Variants in CNOT1 observed in about 807,000 individuals in gnomAD.
The protein encoded by CNOT1 is CCR4-NOT transcription complex subunit 1, also known as CCR4-associated factor 1.
Under a neutral mutation model 273.8 loss-of-function variants are expected in CNOT1, and 15 were observed. The ratio of observed to expected loss-of-function variants is 0.05; its 90% CI spans 0.04 to 0.08. The LOEUF (loss-of-function observed/expected upper bound fraction) is 0.08, where lower values mean the gene tolerates loss of function less well. Among genes scored for constraint, CNOT1 ranks in the 10% least tolerant of loss-of-function variants. CNOT1 has a pLI of 1.00. For synonymous variants in CNOT1, 1,022 were observed against 1,005.5 expected, an observed-to-expected ratio of 1.02 and a Z score of -0.31; for missense variants, 1,644 against 2,912.2, an observed-to-expected ratio of 0.56 and a Z score of 10.02.
chr16:58,601,791 C>T (rs1272734455), intron 1 of CNOT1, among the ~76,000 whole-genome samples: 2 of 134,562 alleles, frequency 1.5e-5, no homozygotes, highest in South Asian at 2.4e-4. Context: ...AATCCCAGCA[C>T]TTTGGGAGGC....
intron 1 of CNOT1, among the ~76,000 whole-genome samples, chr16:58,618,662 AG>A (rs1192175652): frequency 3.3e-5 from 5 of 151,140 alleles, no homozygotes; most frequent in Non-Finnish European, 5.9e-5. Context: ...AAAAAAAAAA[AG>A]AAAAAGAGTT....
At chr16:58,600,695 G>C (rs2042429579) in intron 1 of CNOT1, among the ~76,000 whole-genome samples, 1 of 152,182 alleles carries the variant, frequency 6.6e-6, no homozygotes, top group Admixed American at 6.5e-5. Flanking sequence ...ACTGTTCCCT[G>C]GGAGAATTCA....
intron 14 of CNOT1, among the ~76,000 whole-genome samples, chr16:58,576,221 C>G (rs1344040660): frequency 2.0e-5 from 3 of 152,046 alleles, no homozygotes; most frequent in Non-Finnish European, 2.9e-5. Context: ...AGCGATTCTC[C>G]TGCCTCAGCC....
In CNOT1 at chr16:58,620,028, C is replaced by T. The variant is rs553933660; in HGVS notation, c.-175+9700G>A. 5.3e-5 allele frequency among the ~76,000 whole-genome samples: 8 copies of T among 152,204 alleles called. No individual in the cohort carries two copies. In the East Asian group the frequency reaches 1.4e-3, roughly 26 times the overall value. On this transcript the variant is annotated intron_variant, in intron 1 of 48. Coordinates refer to ENST00000317147, the MANE Select transcript of CNOT1 (RefSeq NM_016284.5). ...ATAGATCTTTTCCTCTGAAATGTTA[C>T]TTGCTCATTCAAGCAGTATGAAAAA... is the stretch of plus-strand genomic sequence containing the variant.
intron 1 of CNOT1, chr16:58,624,886 C>G (rs2043498462): frequency 6.6e-6 from 1 of 152,072 alleles, no homozygotes; most frequent in Non-Finnish European, 1.5e-5. Context: ...ACTACGCTTT[C>G]CAGTGAACAA....
chr16:58,599,176 T>G, intron 2 of CNOT1, 60 bp downstream of exon 2: 1 of 1,608,370 alleles, frequency 6.2e-7, no homozygotes, highest in South Asian at 1.1e-5. Context: ...AATGTGTGGT[T>G]TTCTTTCCAC....
At chr16:58,597,087 G>T (rs1055014957) in intron 2 of CNOT1, among the ~76,000 whole-genome samples, 1 of 113,934 alleles carries the variant, frequency 8.8e-6, no homozygotes, top group African/African-American at 3.3e-5. Context: ...GCTCAACCAG[G>T]GCATTTAAAA....
rs1257956568 is a variant in CNOT1, at chr16:58,551,703, T to A, written c.3087A>T (p.Lys1029Asn). The stretch of plus-strand genomic sequence containing the variant: ...TGCTAACTTGACCAGCAAGAGGAGC[T>A]TTTGCTGGAACCTGGGCCTGAGCCT... The part of the protein sequence containing the change: ...QAQAQAQVPA[K>N]APLAGQVSTM... The change falls in exon 23 of 49, where the codon AAA becomes AAT. Residue 1029 changes from lysine (K) to asparagine (N), a missense_variant. Physicochemically the swap from Lys to Asn is moderately conservative, Grantham distance 94. Coordinates refer to ENST00000317147, the MANE Select transcript of CNOT1 (RefSeq NM_016284.5). 6.2e-7 allele frequency: 1 copy of A among 1,614,158 alleles called. No individual in the cohort carries two copies. Among genetic ancestry groups the A allele is most frequent in the East Asian group, 2.2e-5 (1 of 44,876 alleles).
intron 2 of CNOT1, among the ~76,000 whole-genome samples, chr16:58,592,253 G>A (rs2042088361): frequency 6.6e-6 from 1 of 152,022 alleles, no homozygotes. Flanking sequence ...AGTTGCTCCT[G>A]GTGAGGAGCA....
At chr16:58,612,826 C>A (rs1460429209) in intron 1 of CNOT1, among the ~76,000 whole-genome samples, 2 of 152,164 alleles carry the variant, frequency 1.3e-5, no homozygotes, top group Non-Finnish European at 2.9e-5. Context: ...AAGGTTGGTT[C>A]ACTTATTAAA....
At chr16:58,590,363 C>CT (rs1211887643) in intron 2 of CNOT1, among the ~76,000 whole-genome samples, 3 of 152,134 alleles carry the variant, frequency 2.0e-5, no homozygotes, top group Non-Finnish European at 4.4e-5. Flanking sequence ...TGAAAGCTGT[C>CT]TAAGTTCTTA....
intron 47 of CNOT1, 148 bp downstream of exon 47, chr16:58,523,218 CTGAG>C (rs1415065819): frequency 1.4e-6 from 1 of 711,866 alleles, no homozygotes; most frequent in African/African-American, 1.8e-5. Context: ...GTACTGCAGA[CTGAG>C]TGACAGAGCA....
chr16:58,544,595 TG>T (rs1347508857), intron 30 of CNOT1, among the ~76,000 whole-genome samples: 2 of 152,248 alleles, frequency 1.3e-5, no homozygotes, highest in South Asian at 2.1e-4. Flanking sequence ...GGAGTGGGGA[TG>T]GGGGGACAAG....
At chr16:58,626,237 T>C (rs1447070562) in intron 1 of CNOT1, among the ~76,000 whole-genome samples, 2 of 150,434 alleles carry the variant, frequency 1.3e-5, no homozygotes, top group African/African-American at 4.9e-5. Context: ...TTGAAACCTC[T>C]TCTCTACTAA....
At chr16:58,555,176 C>T in intron 21 of CNOT1, 75 bp downstream of exon 21, 2 of 1,559,986 alleles carry the variant, frequency 1.3e-6, no homozygotes, top group Non-Finnish European at 1.7e-6. Flanking sequence ...CCACTGCACT[C>T]CAGCCTGGAT....
intron 16 of CNOT1, among the ~76,000 whole-genome samples, chr16:58,573,419 C>T (rs966837604): frequency 7.2e-5 from 11 of 151,868 alleles, no homozygotes; most frequent in African/African-American, 2.7e-4. Context: ...CAGTACTCCC[C>T]CAAATGAGCT....
chr16:58,566,252 C>T (rs901145457), intron 16 of CNOT1, among the ~76,000 whole-genome samples: 2 of 152,156 alleles, frequency 1.3e-5, no homozygotes, highest in Non-Finnish European at 2.9e-5. Flanking sequence ...ACTATTAACA[C>T]ACATTAAAGA....
chr16:58,539,369 T>C (rs2151912926), intron 35 of CNOT1, among the ~76,000 whole-genome samples: 1 of 152,038 alleles, frequency 6.6e-6, no homozygotes, highest in Admixed American at 6.6e-5. Flanking sequence ...AGTGAGCACC[T>C]GTAATACCAG....
chr16:58,602,022 C>T (rs1344537527), intron 1 of CNOT1, among the ~76,000 whole-genome samples: 1 of 151,988 alleles, frequency 6.6e-6, no homozygotes, highest in African/African-American at 2.4e-5. Context: ...AACTTTTCTT[C>T]TCTAGATTCA....
Sources: allele counts gnomAD v4.1 joint callset (sites outside exome capture counted in the v4.1 genomes callset), GRCh38; gene constraint gnomAD v4.1.1; transcripts MANE v1.5; gene names NCBI Gene and HGNC (gene_info 2026-07-23, HGNC 2026-07-21).